CTNNA2: variants seen among roughly 807,000 people sequenced by gnomAD.
The protein encoded by CTNNA2 is catenin alpha 2.
Under a neutral mutation model 101.0 loss-of-function variants are expected in CTNNA2, and 42 were observed. That is an observed-to-expected ratio of 0.42 (90% CI 0.32 to 0.54). CTNNA2 has a LOEUF of 0.54. Ranked by LOEUF, CTNNA2 falls within the 20% of genes least tolerant of loss-of-function variation. CTNNA2 has a pLI of 0.14. For synonymous variants in CTNNA2, 450 were observed against 456.4 expected (o/e 0.99, Z 0.18); for missense variants, 871 against 1,223.1 (o/e 0.71, Z 4.29).
At chr2:80,616,893 C>G (rs1698897739) in intron 17 of CTNNA2, among the ~76,000 whole-genome samples, 1 of 151,678 alleles carries the variant, frequency 6.6e-6, no homozygotes, top group South Asian at 2.1e-4. Context: ...CACAGTTCAC[C>G]ACTCTGCATC....
At chr2:80,515,906 C>T (rs184651031) in intron 9 of CTNNA2, among the ~76,000 whole-genome samples, 94 of 152,140 alleles carry the variant, frequency 6.2e-4, no homozygotes, top group Non-Finnish European at 1.0e-4. Context: ...AAAAACTTGC[C>T]CAAATCCAGA....
chr2:79,985,887 G>A (rs1331451247), intron 7 of CTNNA2, among the ~76,000 whole-genome samples: 1 of 152,138 alleles, frequency 6.6e-6, no homozygotes, highest in East Asian at 1.9e-4. Context: ...TGAGTCCCAG[G>A]TCTCCATCAT....
chr2:80,378,202 C>A (rs1045914927), intron 7 of CTNNA2, among the ~76,000 whole-genome samples: 12 of 151,692 alleles, frequency 7.9e-5, no homozygotes, highest in African/African-American at 2.9e-4. Context: ...ACTAAACATG[C>A]AAAAAATTAG....
At position 79,607,003 on chromosome 2, in the gene CTNNA2, AG is replaced by A. The variant is rs2104149295; in HGVS notation, c.-5-44548del. Among the ~76,000 whole-genome samples the A allele has an allele frequency of 1.3e-5, 2 of 152,328 alleles. 1 individual carries two copies. Among genetic ancestry groups the A allele is most frequent in the Admixed American group, 1.3e-4 (2 of 15,300 alleles). On this transcript the variant is annotated intron_variant, in intron 1 of 18. Transcript: ENST00000402739. ...ATCCAATTAAAGAGCAGAGAGTATC[AG>A]ATTGTATATAAAGGCAAAGCCGAAG...
chr2:80,263,343 T>C (rs562042132), intron 7 of CTNNA2, among the ~76,000 whole-genome samples: 1 of 152,344 alleles, frequency 6.6e-6, no homozygotes, highest in South Asian at 2.1e-4. Flanking sequence ...TATATATTTA[T>C]TTATTTATTA....
intron 7 of CTNNA2, among the ~76,000 whole-genome samples, chr2:80,280,790 C>T (rs912382940): frequency 6.6e-6 from 1 of 152,014 alleles, no homozygotes; most frequent in South Asian, 2.1e-4. Flanking sequence ...ATAAATTACC[C>T]TTTTGCCCAG....
chr2:80,440,172 G>C (rs958501881), intron 9 of CTNNA2, among the ~76,000 whole-genome samples: 1 of 152,124 alleles, frequency 6.6e-6, no homozygotes, highest in Non-Finnish European at 1.5e-5. Flanking sequence ...ATTGATTTTG[G>C]TGTTTAGTAA....
At chr2:79,702,622 G>C (rs911909795) in intron 2 of CTNNA2, among the ~76,000 whole-genome samples, 1 of 152,184 alleles carries the variant, frequency 6.6e-6, no homozygotes, top group Admixed American at 6.5e-5. Flanking sequence ...TAGGTTGGCT[G>C]TTAGTTAATT....
chr2:79,505,610 A>G (rs1671395086), intron 5 of CTNNA2, among the ~76,000 whole-genome samples: 1 of 152,200 alleles, frequency 6.6e-6, no homozygotes, highest in South Asian at 2.1e-4. Flanking sequence ...TAAGGCCTGA[A>G]TTTCTCAACC....
At chr2:80,176,081 C>G (rs554696084) in intron 7 of CTNNA2, among the ~76,000 whole-genome samples, 1 of 152,330 alleles carries the variant, frequency 6.6e-6, no homozygotes, top group Admixed American at 6.5e-5. Flanking sequence ...TTCACAGATA[C>G]ATCCAGGAAC....
chr2:79,687,626 C>A, intron 2 of CTNNA2: 1 of 681,458 alleles, frequency 1.5e-6, no homozygotes, highest in Non-Finnish European at 2.7e-6. Context: ...TGCTGACTGT[C>A]ATCTTGAAAA....
chr2:80,616,649 G>A (rs1167338083), intron 17 of CTNNA2: 9 of 151,256 alleles, frequency 6.0e-5, no homozygotes, highest in African/African-American at 2.2e-4. Context: ...TTGTCTTAAA[G>A]GGCTACTTAC....
rs979737056 is a variant in CTNNA2 at position 80,500,366 on chromosome 2, A to G, written c.1291-44616A>G. ...CATTCATTCATTTACCCATCCATCT[A>G]TTATCCATCCATTCATTCATTCATC... On this transcript the variant is annotated intron_variant, in intron 9 of 18. Coordinates refer to ENST00000402739, the MANE Select transcript of CTNNA2 (RefSeq NM_001282597.3). Among the ~76,000 whole-genome samples the G allele has an allele frequency of 2.0e-5, 3 of 151,940 alleles. No individual in the cohort carries two copies. The East Asian group carries it at 5.8e-4, about 29-fold the overall frequency.
chr2:79,527,361 G>A lies in CTNNA2; in HGVS notation c.-6+14154G>A, dbSNP rs116686276. Among the ~76,000 whole-genome samples the A allele has an allele frequency of 9.2e-3, 1,399 of 151,330 alleles. 25 individuals carry two copies. Among genetic ancestry groups the A allele is most frequent in the East Asian group, 0.048 (248 of 5,120 alleles). ...AATAAAAGAATATTAGGCCAGGCGC[G>A]GTGCCTCACACCTGTAATTCCAGCA... On this transcript the variant is annotated intron_variant, in intron 1 of 18. Transcript: ENST00000402739.
intron 4 of CTNNA2, among the ~76,000 whole-genome samples, chr2:79,405,544 T>C (rs191677021): frequency 2.0e-5 from 3 of 152,160 alleles, no homozygotes; most frequent in Admixed American, 1.3e-4. Flanking sequence ...CAGGTGGATC[T>C]TGAACTCCTG....
intron 1 of CTNNA2, among the ~76,000 whole-genome samples, chr2:79,517,151 A>G (rs1402216366): frequency 6.6e-6 from 1 of 152,202 alleles, no homozygotes; most frequent in East Asian, 1.9e-4. Context: ...CACTGGCTAC[A>G]TCTGTTGGCA....
intron 9 of CTNNA2, among the ~76,000 whole-genome samples, chr2:80,503,998 C>T (rs1688072905): frequency 6.6e-6 from 1 of 152,190 alleles, no homozygotes. Context: ...ATTACTACAG[C>T]TCAAATTACT....
chr2:80,642,171 G>A (rs552551208), intron 18 of CTNNA2, among the ~76,000 whole-genome samples: 1 of 152,058 alleles, frequency 6.6e-6, no homozygotes, highest in African/African-American at 2.4e-5. Context: ...GGACTAGTTA[G>A]GTATTTGAGA....
chr2:79,458,568 G>A (rs1184376745), intron 4 of CTNNA2, among the ~76,000 whole-genome samples: 1 of 152,038 alleles, frequency 6.6e-6, no homozygotes, highest in African/African-American at 2.4e-5. Flanking sequence ...TGGTTTTCTA[G>A]TTCACCCTAG....
Sources: allele counts gnomAD v4.1 joint callset (sites outside exome capture counted in the v4.1 genomes callset), GRCh38; gene constraint gnomAD v4.1.1; transcripts MANE v1.5; gene names NCBI Gene and HGNC (gene_info 2026-07-23, HGNC 2026-07-21).